The following CP variants were observed in gnomAD, a reference collection of about 807,000 sequenced individuals.
CP encodes ceruloplasmin, also known as caeruloplasmin.
A neutral mutation model predicts 122.4 loss-of-function variants in CP; 64 were observed. The observed-to-expected ratio is 0.52, with a 90% confidence interval of 0.43 to 0.64. The LOEUF (loss-of-function observed/expected upper bound fraction) is 0.64, where lower values mean the gene tolerates loss of function less well. CP is among the 30% of genes least tolerant of loss of function. The pLI, the probability that CP is intolerant of heterozygous loss-of-function variation, is 0.00. For synonymous variants in CP, 440 were observed against 436.4 expected, an observed-to-expected ratio of 1.01 and a Z score of -0.10; for missense variants, 1,167 against 1,284.4, an observed-to-expected ratio of 0.91 and a Z score of 1.40.
chr3:149,193,373 T>C (rs1296169665), intron 9 of CP, among the ~76,000 whole-genome samples: 1 of 152,172 alleles, frequency 6.6e-6, no homozygotes, highest in Non-Finnish European at 1.5e-5. Context: ...ACTGACTGAA[T>C]AAATTATGGT....
At chr3:149,209,452 T>C in intron 3 of CP, 68 bp from the exon 4 acceptor site, 1 of 1,460,078 alleles carries the variant, frequency 6.8e-7, no homozygotes, top group Non-Finnish European at 9.4e-7. Flanking sequence ...TGTTTTCAGG[T>C]GATTTATAGT....
intron 9 of CP, among the ~76,000 whole-genome samples, chr3:149,197,480 A>G (rs1025480682): frequency 6.6e-6 from 1 of 152,048 alleles, no homozygotes; most frequent in African/African-American, 2.4e-5. Flanking sequence ...ACTCCCTGAC[A>G]GAAGTGCCCA....
chr3:149,201,277 C>T (rs920679414), intron 7 of CP, among the ~76,000 whole-genome samples: 1 of 152,058 alleles, frequency 6.6e-6, no homozygotes. Flanking sequence ...CCCGCCACCA[C>T]GCCCGGCTAA....
At chr3:149,212,905 A>G (rs1373996155) in intron 1 of CP, among the ~76,000 whole-genome samples, 1 of 152,232 alleles carries the variant, frequency 6.6e-6, no homozygotes, top group Non-Finnish European at 1.5e-5. Flanking sequence ...CATATCAGGT[A>G]TATGTCAGAG....
At chr3:149,170,312 T>C (rs1336810798), downstream of CP, among the ~76,000 whole-genome samples, 3 of 152,324 alleles carry the variant, frequency 2.0e-5, no homozygotes, top group East Asian at 5.8e-4. Context: ...TTTTTTTGTT[T>C]CTGAGATGCT....
chr3:149,166,335 C>T (rs1724413531), intron 4 of CP, among the ~76,000 whole-genome samples: 2 of 152,038 alleles, frequency 1.3e-5, no homozygotes, highest in Admixed American at 6.6e-5. Context: ...GTAGCACATG[C>T]TTATAGAAAA....
chr3:149,218,117 T>A lies in CP; in HGVS notation c.146+3530A>T, dbSNP rs187731035. ...ATGGCCGTTCGTATACTTAAAAAAA[T>A]TTTCACTTATTTCCAGCTTCCTAGA... On this transcript the variant is annotated intron_variant, in intron 1 of 18. Transcript: ENST00000264613. 350 of 169,238 alleles carry A rather than the reference T, an allele frequency of 2.1e-3. 1 individual carries two copies. The highest frequency in any genetic ancestry group is 8.1e-3 in the African/African-American group (336 of 41,606). 10.5% of individuals were successfully genotyped at this position (169,238 alleles called of 1,614,324 possible). A position where few individuals can be genotyped will look rare whatever the true frequency, so the allele number is the denominator to read the frequency against.
chr3:149,198,377 T>C lies in CP; in HGVS notation c.1703A>G (p.Asn568Ser), dbSNP rs1471195439. 2 of 1,613,926 alleles carry C rather than the reference T, an allele frequency of 1.2e-6. No homozygotes were observed. The highest frequency in any genetic ancestry group is 1.6e-4 in the Middle Eastern group (1 of 6,062). Residue 568 changes from asparagine to serine, a missense_variant, in exon 9 of 19, where the codon AAT becomes AGT. By Grantham distance (46) the Asn-to-Ser change is conservative (BLOSUM62 1). Around this residue, in one of 2 missense-constraint regions of CP, gnomAD observed 525 missense variants for 657.2 expected, o/e 0.80. Transcript: ENST00000264613. ...CCCAGTTGGACTTACCTGTCTCCCA[T>C]TTGCATGTAAACTTCCTTTCTTGCA... is the stretch of plus-strand genomic sequence containing the variant. The part of the protein sequence containing the change: ...KICKKGSLHA[N>S]GRQKDVDKEF...
chr3:149,162,711 G>A, exon 6 of CP: 1 of 1,614,014 alleles, frequency 6.2e-7, no homozygotes, highest in Non-Finnish European at 8.5e-7. Context: ...TAAGGATGAA[G>A]ATACAATTCC....
chr3:149,193,466 G>T (rs35879864), intron 9 of CP, among the ~76,000 whole-genome samples: 23,839 of 152,036 alleles, frequency 0.16, 3,409 homozygotes, highest in African/African-American at 0.39. Context: ...ATCATAATAT[G>T]TTTAAGTGTA....
chr3:149,166,364 G>C (rs79429329), intron 4 of CP, among the ~76,000 whole-genome samples: 2,230 of 152,222 alleles, frequency 0.015, 17 homozygotes, highest in Middle Eastern at 0.041. Context: ...CTACAGGAAG[G>C]GGTGTAAAGA....
rs1411357022 is a variant in CP, at chr3:149,186,667, A to T, written c.1930T>A (p.Trp644Arg). 3.1e-6 allele frequency: 5 copies of T among 1,614,100 alleles called. No individual in the cohort carries two copies. The highest frequency in any genetic ancestry group is 4.2e-6 in the Non-Finnish European group (5 of 1,180,036). ...TCATTTCCGGCGCTGAATAAGTACC[A>T]CACGACCGAATCTCCTTTGCACATA... ...LTMCKGDSVV[W>R]YLFSAGNEAD... The change falls in exon 11 of 19, where the codon TGG becomes AGG. Residue 644 changes from tryptophan to arginine, a missense_variant. This residue lies in a region of CP where 525 missense variants were observed against 657.2 expected (regional missense o/e 0.80). Transcript: ENST00000264613.
intron 7 of CP, among the ~76,000 whole-genome samples, chr3:149,201,822 C>T (rs964197827): frequency 2.6e-5 from 4 of 152,032 alleles, no homozygotes; most frequent in Non-Finnish European, 5.9e-5. Context: ...TCTCAAACTC[C>T]TTACCCAAGT....
intron 1 of CP, among the ~76,000 whole-genome samples, chr3:149,219,456 C>G (rs2108317601): frequency 6.6e-6 from 1 of 152,226 alleles, no homozygotes; most frequent in South Asian, 2.1e-4. Context: ...ATATTGTTCT[C>G]ATGGTAGTGA....
intron 4 of CP, chr3:149,166,946 G>A (rs1559926779): frequency 2.0e-6 from 2 of 1,005,530 alleles, no homozygotes; most frequent in Non-Finnish European, 3.2e-6. Flanking sequence ...TGGCAAGTGA[G>A]GTTTAGTCTT....
chr3:149,208,625 T>A (rs752792580), intron 4 of CP, among the ~76,000 whole-genome samples: 13 of 152,190 alleles, frequency 8.5e-5, no homozygotes, highest in Non-Finnish European at 1.8e-4. Context: ...ACTCTGTTTC[T>A]CATGCAAATT....
At chr3:149,211,429 C>T (rs947736957) in intron 2 of CP, among the ~76,000 whole-genome samples, 4 of 152,192 alleles carry the variant, frequency 2.6e-5, no homozygotes, top group Non-Finnish European at 5.9e-5. Context: ...GGGCTCAGAC[C>T]TTTGTCTATT....
intron 10 of CP, 25 bp downstream of exon 10, chr3:149,188,027 G>C (rs1726286992): frequency 6.2e-7 from 1 of 1,610,568 alleles, no homozygotes; most frequent in Admixed American, 1.7e-5. Context: ...TAACTTGGTA[G>C]ATTGGTGGAT....
At chr3:149,165,699 G>A (rs1162975056) in intron 5 of CP, among the ~76,000 whole-genome samples, 2 of 152,118 alleles carry the variant, frequency 1.3e-5, no homozygotes, top group East Asian at 3.9e-4. Flanking sequence ...ATGGGTAGTT[G>A]AAGTTATGAC....
Sources: gnomAD v4.1 joint callset for allele counts (sites outside exome capture counted in the v4.1 genomes callset) on GRCh38, gnomAD v4.1.1 for gene constraint, gnomAD v4.1.1 regional missense constraint, MANE v1.5 for transcripts, NCBI Gene and HGNC (gene_info 2026-07-23, HGNC 2026-07-21) for gene names.